Variants in NEURL1B observed in about 807,000 individuals in gnomAD.
NEURL1B encodes neuralized E3 ubiquitin protein ligase 1B.
A neutral mutation model predicts 37.4 loss-of-function variants in NEURL1B; 13 were observed. The ratio of observed to expected loss-of-function variants is 0.35; its 90% confidence interval spans 0.23 to 0.55. The LOEUF (loss-of-function observed/expected upper bound fraction) is 0.55, where lower values mean the gene tolerates loss of function less well. Among genes scored for constraint, NEURL1B ranks in the 20% least tolerant of loss-of-function variants. The pLI is 0.89. For missense variants in NEURL1B, 790 were observed against 879.2 expected, an observed-to-expected ratio of 0.90 and a Z score of 1.28; for synonymous variants, 432 against 426.6, an observed-to-expected ratio of 1.01 and a Z score of -0.16.
chr5:172,666,440 C>CT (rs1256133727), intron 1 of NEURL1B, among the ~76,000 whole-genome samples: 1 of 152,224 alleles, frequency 6.6e-6, no homozygotes, highest in African/African-American at 2.4e-5. Context: ...TGCGGTGATT[C>CT]TATCAGTCAG....
rs1758516569 is a variant in NEURL1B at position 172,687,008 on chromosome 5, G to A, written c.*83G>A. ...GCTGGGCAACCACATGGCTGCCAGGGAGTCCACGGGCAGCGGCCATCTCTC... is the reference window on the plus strand; with the variant it reads ...GCTGGGCAACCACATGGCTGCCAGGAAGTCCACGGGCAGCGGCCATCTCTC... On this transcript the variant is annotated 3_prime_UTR_variant, in exon 5 of 5. Coordinates refer to ENST00000369800, the MANE Select transcript of NEURL1B (RefSeq NM_001142651.3). The A allele has an allele frequency of 6.9e-7, 1 of 1,444,280 alleles. No homozygotes were observed. Among genetic ancestry groups the A allele is most frequent in the Non-Finnish European group, 9.3e-7 (1 of 1,074,166 alleles). The allele number at this position is 1,444,280 out of a possible 1,614,324, so 89.5% of individuals were successfully genotyped here.
intron 2 of NEURL1B, among the ~76,000 whole-genome samples, chr5:172,677,937 C>T (rs1000245332): frequency 2.0e-5 from 3 of 152,170 alleles, no homozygotes; most frequent in Admixed American, 6.5e-5. Context: ...CCCTCTTAAG[C>T]TGTGCCCTGA....
chr5:172,663,818 G>T (rs1340926561), intron 1 of NEURL1B, among the ~76,000 whole-genome samples: 1 of 52,552 alleles, frequency 1.9e-5, no homozygotes, highest in African/African-American at 5.5e-5. Flanking sequence ...TGGCAAAAGA[G>T]GTTTTATTTG....
At chr5:172,666,818 C>T (rs4868192) in intron 1 of NEURL1B, among the ~76,000 whole-genome samples, 80,962 of 151,816 alleles carry the variant, frequency 0.53, 21,889 homozygotes, top group South Asian at 0.62. Context: ...TGCCTCCCTG[C>T]ATCAGGGGAG....
Position 172,670,323 on chromosome 5 carries a change from G to A in NEURL1B, c.570G>A (p.Gln190=). Residue 190 remains glutamine (Q), a synonymous_variant, in exon 2 of 5, where the codon CAG becomes CAA. Transcript: ENST00000369800. Reference sequence around the variant, plus strand: ...TCTACGGCATCACCGACGAGGTGCAGCTTCTGGGTAGGTCGCGGGCGCGGC... The same window carrying A: ...TCTACGGCATCACCGACGAGGTGCAACTTCTGGGTAGGTCGCGGGCGCGGC... ...IDVYGITDEV[Q]LLESAFADTL... is the part of the protein sequence containing the mutation. 7.4e-7 allele frequency: 1 copy of A among 1,359,740 alleles called. No homozygotes were observed. The allele number at this position is 1,359,740 out of a possible 1,614,324, so 84.2% of individuals were successfully genotyped here.
At chr5:172,654,571 ATTT>A (rs34546667) in intron 1 of NEURL1B, among the ~76,000 whole-genome samples, 6,020 of 137,002 alleles carry the variant, frequency 0.044, 375 homozygotes, top group African/African-American at 0.15. Context: ...GAGTTAAACT[ATTT>A]TTTTTTTTTT....
At chr5:172,663,566 G>A (rs1014161515) in intron 1 of NEURL1B, among the ~76,000 whole-genome samples, 14 of 148,852 alleles carry the variant, frequency 9.4e-5, no homozygotes, top group African/African-American at 3.5e-4. Context: ...GGCCAGGGCT[G>A]TCCCTTCTCC....
chr5:172,683,630 C>G lies in NEURL1B; in HGVS notation c.789C>G (p.Pro263=). ...DAAAAAIPCG[P]RERPRPASSP... ...CGGCCGCCGCCATTCCGTGCGGGCC[C>G]CGTGAGCGCCCGCGGCCCGCGTCGT... Residue 263 remains proline, a synonymous_variant, in exon 3 of 5, where the codon CCC becomes CCG. Coordinates refer to ENST00000369800, the MANE Select transcript of NEURL1B (RefSeq NM_001142651.3). The surrounding 1 kb of genome is among the most constrained non-coding windows in gnomAD (Gnocchi z 5.6). 4 of 1,231,014 alleles carry G rather than the reference C, an allele frequency of 3.2e-6. No individual in the cohort carries two copies. Among genetic ancestry groups the G allele is most frequent in the Non-Finnish European group, 4.1e-6 (4 of 980,754 alleles). The allele number at this position is 1,231,014 out of a possible 1,614,324, so 76.3% of individuals were successfully genotyped here. A position where few individuals can be genotyped will look rare whatever the true frequency, so the allele number is the denominator to read the frequency against.
In NEURL1B at chr5:172,665,708, C is replaced by T. The variant is rs576918549; in HGVS notation, c.32-4077C>T. ...CTTTACCCTCCCCCCAAATTCCAGC[C>T]TCCCCCTGCCTCTGCCCCTACCGTT... On this transcript the variant is annotated intron_variant, in intron 1 of 4. Transcript: ENST00000369800. The surrounding 1 kb of genome is among the most constrained non-coding windows in gnomAD (Gnocchi z 4.1). 6.6e-6 allele frequency among the ~76,000 whole-genome samples: 1 copy of T among 152,002 alleles called. No homozygotes were observed. Among genetic ancestry groups the T allele is most frequent in the East Asian group, 1.9e-4 (1 of 5,144 alleles).
rs1377615386 is a variant in NEURL1B at position 172,686,899 on chromosome 5, G to A, written c.1642G>A (p.Asp548Asn). ...CCCCATCTGCCGGCGGCCCATCAAG[G>A]ACGTCATTAAGATCTACAGGCCATA... ...CCPICRRPIK[D>N]VIKIYRP The change falls in exon 5 of 5, where the codon GAC becomes AAC. Residue 548 changes from aspartate (D) to asparagine (N), a missense_variant. By Grantham distance (23) the Asp-to-Asn change is conservative (BLOSUM62 1). This residue lies in a region of NEURL1B where 115 missense variants were observed against 162.6 expected (regional missense o/e 0.71). Transcript: ENST00000369800. This position sits in a 1 kb window ranked among gnomAD's most constrained non-coding sequence, Gnocchi z 7.9. The A allele has an allele frequency of 6.5e-7, 1 of 1,550,000 alleles. No homozygotes were observed. The highest frequency in any genetic ancestry group is 2.0e-5 in the Admixed American group (1 of 50,986).
chr5:172,690,004 C>T lies in NEURL1B; in HGVS notation c.*3079C>T, dbSNP rs1288251111. 2.0e-5 allele frequency: 3 copies of T among 152,310 alleles called. No homozygotes were observed. The highest frequency in any genetic ancestry group is 7.2e-5 in the African/African-American group (3 of 41,452). 9.4% of individuals were successfully genotyped at this position (152,310 alleles called of 1,614,324 possible). ...CCTTGTCCCACCACCTTCCTAGGCC[C>T]CGTGATCACCACCCCCTCAAGCGGG... On this transcript the variant is annotated 3_prime_UTR_variant, in exon 5 of 5. Coordinates refer to ENST00000369800, the MANE Select transcript of NEURL1B (RefSeq NM_001142651.3).
intron 1 of NEURL1B, among the ~76,000 whole-genome samples, chr5:172,654,681 G>A (rs114966455): frequency 8.9e-4 from 133 of 149,526 alleles, no homozygotes; most frequent in East Asian, 8.7e-3. Flanking sequence ...TAGCAAAGCC[G>A]TTGCCACTAC....
chr5:172,687,012 C>A lies in NEURL1B; in HGVS notation c.*87C>A. The A allele has an allele frequency of 7.1e-7, 1 of 1,414,684 alleles. No individual in the cohort carries two copies. The highest frequency in any genetic ancestry group is 9.5e-7 in the Non-Finnish European group (1 of 1,050,164). 87.6% of individuals were successfully genotyped at this position (1,414,684 alleles called of 1,614,324 possible). On this transcript the variant is annotated 3_prime_UTR_variant, in exon 5 of 5. Transcript: ENST00000369800. ...GGCAACCACATGGCTGCCAGGGAGT[C>A]CACGGGCAGCGGCCATCTCTCCAGT...
In NEURL1B at chr5:172,670,169, T is replaced by A; in HGVS notation, c.416T>A (p.Leu139Gln). The A allele has an allele frequency of 6.7e-7, 1 of 1,493,050 alleles. No homozygotes were observed. The highest frequency in any genetic ancestry group is 8.9e-7 in the Non-Finnish European group (1 of 1,127,142). The allele number at this position is 1,493,050 out of a possible 1,614,324, so 92.5% of individuals were successfully genotyped here. A position where few individuals can be genotyped will look rare whatever the true frequency, so the allele number is the denominator to read the frequency against. Reference protein sequence around the residue: ...WAKALPENLALRDTVLAYWAD... With the variant: ...WAKALPENLAQRDTVLAYWAD... ...AAGGCACTGCCCGAGAACCTGGCGC[T>A]GCGCGACACGGTGCTGGCCTACTGG... Residue 139 changes from leucine to glutamine, a missense_variant, in exon 2 of 5, where the codon CTG (leucine) becomes CAG (glutamine). Leu to Gln is a moderately radical substitution (Grantham distance 113). This residue lies in a region of NEURL1B where 215 missense variants were observed against 309.2 expected (regional missense o/e 0.70). Coordinates refer to ENST00000369800, the MANE Select transcript of NEURL1B (RefSeq NM_001142651.3).
In NEURL1B at chr5:172,669,832, C is replaced by A; in HGVS notation, c.79C>A (p.Pro27Thr). 7.5e-7 allele frequency: 1 copy of A among 1,341,160 alleles called. No individual in the cohort carries two copies. The highest frequency in any genetic ancestry group is 9.6e-7 in the Non-Finnish European group (1 of 1,041,660). The allele number at this position is 1,341,160 out of a possible 1,614,324, so 83.1% of individuals were successfully genotyped here. A position where few individuals can be genotyped will look rare whatever the true frequency, so the allele number is the denominator to read the frequency against. ...CCTGGCCACCCGGCCGTGCTGCGGC[C>A]CCGGCCCCGAGCGACGCCCGGTCCT... The part of the protein sequence containing the change: ...RLLATRPCCG[P>T]GPERRPVLGE... The change falls in exon 2 of 5, where the codon CCC (proline) becomes ACC (threonine). Residue 27 changes from proline to threonine, a missense_variant. Physicochemically the swap from Pro to Thr is conservative, Grantham distance 38. Coordinates refer to ENST00000369800, the MANE Select transcript of NEURL1B (RefSeq NM_001142651.3).
In NEURL1B at chr5:172,683,599, A is replaced by C. The variant is rs777390860; in HGVS notation, c.758A>C (p.Asp253Ala). The change falls in exon 3 of 5, where the codon GAC becomes GCC. Residue 253 changes from aspartate to alanine, a missense_variant. By Grantham distance (126) the Asp-to-Ala change is moderately radical (BLOSUM62 -2). Around this residue, in one of 3 missense-constraint regions of NEURL1B, gnomAD observed 460 missense variants for 407.4 expected, o/e 1.13. Coordinates refer to ENST00000369800, the MANE Select transcript of NEURL1B (RefSeq NM_001142651.3). This position sits in a 1 kb window ranked among gnomAD's most constrained non-coding sequence, Gnocchi z 5.6. Reference sequence around the variant, plus strand: ...CGCGCCCCGGGCCCACCGCCAGCCGACGCCGCGGCCGCCGCCATTCCGTGC... The same window carrying C: ...CGCGCCCCGGGCCCACCGCCAGCCGCCGCCGCGGCCGCCGCCATTCCGTGC... ...LGRAPGPPPADAAAAAIPCGP... is the reference protein window; with the variant it reads ...LGRAPGPPPAAAAAAAIPCGP... 6 of 1,272,260 alleles carry C rather than the reference A, an allele frequency of 4.7e-6. No homozygotes were observed. Among genetic ancestry groups the C allele is most frequent in the Middle Eastern group, 2.6e-4 (1 of 3,784 alleles). 78.8% of individuals were successfully genotyped at this position (1,272,260 alleles called of 1,614,324 possible). A position where few individuals can be genotyped will look rare whatever the true frequency, so the allele number is the denominator to read the frequency against.
chr5:172,680,474 G>C (rs1243912646), intron 2 of NEURL1B, among the ~76,000 whole-genome samples: 1 of 152,258 alleles, frequency 6.6e-6, no homozygotes, highest in African/African-American at 2.4e-5. Flanking sequence ...GGGCGACTGT[G>C]AGTGGGGCAG....
chr5:172,654,220 T>C (rs965311885), intron 1 of NEURL1B, among the ~76,000 whole-genome samples: 63 of 152,386 alleles, frequency 4.1e-4, no homozygotes, highest in African/African-American at 1.5e-3. Flanking sequence ...AGAATTGGTA[T>C]AGATGGTTCC....
In NEURL1B at chr5:172,675,932, C is replaced by T. The variant is rs953360799; in HGVS notation, c.577+5602C>T. 8.5e-5 allele frequency among the ~76,000 whole-genome samples: 13 copies of T among 152,242 alleles called. No homozygotes were observed. Among genetic ancestry groups the T allele is most frequent in the Admixed American group, 2.6e-4 (4 of 15,298 alleles). ...TATGGAAGCCCTTTCTGGAGGTCCT[C>T]GAGTTCAGGCCAGGCCCTGTGCTTT... On this transcript the variant is annotated intron_variant, in intron 2 of 4. Transcript: ENST00000369800. The surrounding 1 kb of genome is among the most constrained non-coding windows in gnomAD (Gnocchi z 4.7).
Sources: gnomAD v4.1 joint callset for allele counts (sites outside exome capture counted in the v4.1 genomes callset) on GRCh38, gnomAD v4.1.1 for gene constraint, gnomAD v4.1.1 regional missense constraint, Gnocchi (gnomAD v3.1) non-coding constraint, MANE v1.5 for transcripts, NCBI Gene and HGNC (gene_info 2026-07-23, HGNC 2026-07-21) for gene names.